Variants in NCKAP5 observed in about 807,000 individuals in gnomAD.
The protein encoded by NCKAP5 is nck-associated protein 5.
A neutral mutation model predicts 167.0 loss-of-function variants in NCKAP5; 92 were observed. The ratio of observed to expected loss-of-function variants is 0.55; its 90% confidence interval spans 0.47 to 0.66. NCKAP5 has a LOEUF of 0.66. Among genes scored for constraint, NCKAP5 ranks in the 30% least tolerant of loss-of-function variants. The probability of loss-of-function intolerance (pLI) is 0.00; values close to 1 mark genes in which losing one functional copy is unlikely to be tolerated. For missense variants in NCKAP5, 2,378 were observed against 2,315.0 expected (o/e 1.03, Z -0.56); for synonymous variants, 891 against 877.4 (o/e 1.02, Z -0.27).
intron 4 of NCKAP5, among the ~76,000 whole-genome samples, chr2:133,252,802 T>C (rs1038050990): frequency 2.0e-5 from 3 of 152,208 alleles, no homozygotes; most frequent in East Asian, 1.9e-4. Context: ...TAGTGCATGA[T>C]GCCCATAAAT....
chr2:133,115,346 C>T (rs556315768), intron 6 of NCKAP5, among the ~76,000 whole-genome samples: 82 of 152,176 alleles, frequency 5.4e-4, no homozygotes, highest in African/African-American at 1.9e-3. Context: ...CTAAAAGCAA[C>T]GATATTTTGT....
At chr2:133,200,902 T>G (rs2085657044) in intron 5 of NCKAP5, among the ~76,000 whole-genome samples, 1 of 152,164 alleles carries the variant, frequency 6.6e-6, no homozygotes, top group Admixed American at 6.6e-5. Context: ...TTGTCCCCGC[T>G]TATCCACAGG....
intron 3 of NCKAP5, among the ~76,000 whole-genome samples, chr2:133,314,334 C>T (rs890390958): frequency 2.6e-5 from 4 of 152,162 alleles, no homozygotes; most frequent in Admixed American, 2.6e-4. Context: ...TTTGCTGCTA[C>T]TTATGGCTCC....
At chr2:133,166,293 G>A (rs1324345615) in intron 5 of NCKAP5, among the ~76,000 whole-genome samples, 1 of 152,064 alleles carries the variant, frequency 6.6e-6, no homozygotes, top group East Asian at 1.9e-4. Context: ...ATTTTGCCTG[G>A]TTCATACTTT....
chr2:133,115,822 T>TCA (rs141741244), intron 6 of NCKAP5, among the ~76,000 whole-genome samples: 2,409 of 122,898 alleles, frequency 0.02, 62 homozygotes, highest in African/African-American at 0.054. Context: ...TATATAGTGT[T>TCA]CACACACACA....
intron 3 of NCKAP5, among the ~76,000 whole-genome samples, chr2:133,461,607 T>C (rs1296368831): frequency 6.6e-6 from 1 of 152,158 alleles, no homozygotes; most frequent in Admixed American, 6.5e-5. Flanking sequence ...AACATGTGTG[T>C]GGTTAAAGCT....
chr2:132,814,200 T>C (rs952199973), intron 11 of NCKAP5, among the ~76,000 whole-genome samples: 2 of 152,258 alleles, frequency 1.3e-5, no homozygotes, highest in African/African-American at 4.8e-5. Flanking sequence ...GTTTGCCTTA[T>C]GGGCTTTGTT....
intron 19 of NCKAP5, among the ~76,000 whole-genome samples, chr2:132,720,993 T>C (rs1389614709): frequency 1.5e-5 from 2 of 135,280 alleles, no homozygotes; most frequent in Non-Finnish European, 3.1e-5. Context: ...CCAGCCTAGG[T>C]ACACAGTGAG....
At chr2:133,024,643 A>G (rs2078635129) in intron 6 of NCKAP5, among the ~76,000 whole-genome samples, 1 of 152,242 alleles carries the variant, frequency 6.6e-6, no homozygotes, top group Admixed American at 6.5e-5. Flanking sequence ...GAAGAAAGTA[A>G]TTAACATGAT....
intron 4 of NCKAP5, chr2:133,284,616 G>C (rs2090043126): frequency 1.3e-5 from 2 of 152,166 alleles, no homozygotes; most frequent in Admixed American, 1.3e-4. Context: ...GTTGTGAATA[G>C]AAGATGGACA....
intron 3 of NCKAP5, among the ~76,000 whole-genome samples, chr2:133,351,667 C>T (rs1012216217): frequency 1.3e-5 from 2 of 152,150 alleles, no homozygotes; most frequent in Non-Finnish European, 2.9e-5. Context: ...CTCTCCTCAC[C>T]TGTGCCCCCA....
intron 6 of NCKAP5, among the ~76,000 whole-genome samples, chr2:133,025,120 A>T (rs1573779891): frequency 6.6e-6 from 1 of 152,168 alleles, no homozygotes; most frequent in African/African-American, 2.4e-5. Flanking sequence ...TCACTTTACC[A>T]TCCTTATTAC....
At chr2:133,362,454 T>G (rs1439562015) in intron 3 of NCKAP5, among the ~76,000 whole-genome samples, 1 of 152,122 alleles carries the variant, frequency 6.6e-6, no homozygotes, top group South Asian at 2.1e-4. Flanking sequence ...AAAAATGTGT[T>G]TGTTTGTTTT....
chr2:133,113,522 G>A lies in NCKAP5; in HGVS notation c.341+16456C>T, dbSNP rs147239847. 3.5e-3 allele frequency among the ~76,000 whole-genome samples: 540 copies of A among 152,286 alleles called. 2 individuals are homozygous for A. Among genetic ancestry groups the A allele is most frequent in the Admixed American group, 7.6e-3 (116 of 15,308 alleles). On this transcript the variant is annotated intron_variant, in intron 6 of 19. Transcript: ENST00000409261. The stretch of plus-strand genomic sequence containing the variant: ...AAGCTCCAGGTCCTGAGCTTCAGGG[G>A]GCTTCACTCCGAGCCTCCTCTAGCC...
In NCKAP5 at chr2:132,963,734, A is replaced by T; in HGVS notation, c.565T>A (p.Leu189Met). 1 of 1,613,742 alleles carries T rather than the reference A, an allele frequency of 6.2e-7. No individual in the cohort carries two copies. Among genetic ancestry groups the T allele is most frequent in the Non-Finnish European group, 8.5e-7 (1 of 1,179,848 alleles). ...TCATTTCTTACCTCTAGAGCTTTCA[A>T]TCTCTCTAATAGCAATTTGGTCTTT... ...KEKTKLLLERLKALEAENSAL... is the reference protein window; with the variant it reads ...KEKTKLLLERMKALEAENSAL... Residue 189 changes from leucine (L) to methionine (M), a missense_variant, in exon 8 of 20, where the codon TTG becomes ATG. Physicochemically the swap from Leu to Met is conservative, Grantham distance 15. This residue lies in a region of NCKAP5 where 1,049 missense variants were observed against 1,023.4 expected (regional missense o/e 1.02). Transcript: ENST00000409261.
intron 3 of NCKAP5, among the ~76,000 whole-genome samples, chr2:133,308,389 T>C (rs377168057): frequency 3.2e-4 from 48 of 151,776 alleles, no homozygotes; most frequent in Middle Eastern, 3.4e-3. Context: ...CGCCCGGCTA[T>C]TGTTCTATTT....
intron 16 of NCKAP5, among the ~76,000 whole-genome samples, chr2:132,747,462 G>T (rs762702678): frequency 4.0e-4 from 57 of 142,448 alleles, no homozygotes; most frequent in Non-Finnish European, 5.6e-4. Flanking sequence ...TATGGGGGAG[G>T]AAAGCAGAAC....
intron 5 of NCKAP5, among the ~76,000 whole-genome samples, chr2:133,141,551 A>T (rs2082999071): frequency 6.6e-6 from 1 of 152,158 alleles, no homozygotes; most frequent in South Asian, 2.1e-4. Context: ...GCACTCTTTT[A>T]AAGTGGGAGA....
At chr2:133,647,203 T>C in the NCKAP5 span, among the ~76,000 whole-genome samples, 76,573 of 151,398 alleles carry the variant, frequency 0.51, 21,353 homozygotes, top group East Asian at 0.8. Flanking sequence ...TGGGCATGGT[T>C]GTGCATATCT....
Sources: gnomAD v4.1 joint callset for allele counts (sites outside exome capture counted in the v4.1 genomes callset) on GRCh38, gnomAD v4.1.1 for gene constraint, gnomAD v4.1.1 regional missense constraint, MANE v1.5 for transcripts, NCBI Gene and HGNC (gene_info 2026-07-23, HGNC 2026-07-21) for gene names.